The following SLC4A10 variants were observed in gnomAD, a reference collection of about 807,000 sequenced individuals.
The protein encoded by SLC4A10 is sodium-driven chloride bicarbonate exchanger.
Under a neutral mutation model 137.7 loss-of-function variants are expected in SLC4A10, and 42 were observed. The ratio of observed to expected loss-of-function variants is 0.30; its 90% CI spans 0.24 to 0.39. SLC4A10 has a LOEUF of 0.39. Ranked by LOEUF, SLC4A10 falls within the 10% of genes least tolerant of loss-of-function variation. The pLI, the probability that SLC4A10 is intolerant of heterozygous loss-of-function variation, is 1.00. For synonymous variants in SLC4A10, 474 were observed against 464.1 expected, an observed-to-expected ratio of 1.02 and a Z score of -0.27; for missense variants, 925 against 1,355.0, an observed-to-expected ratio of 0.68 and a Z score of 4.98.
intron 1 of SLC4A10, among the ~76,000 whole-genome samples, chr2:161,702,219 A>G (rs2043195077): frequency 1.3e-5 from 2 of 151,998 alleles, no homozygotes; most frequent in African/African-American, 2.4e-5. Context: ...TTATATAGCC[A>G]TAAAAAGAAT....
At chr2:161,939,445 T>C (rs192785983) in intron 15 of SLC4A10, among the ~76,000 whole-genome samples, 4 of 152,280 alleles carry the variant, frequency 2.6e-5, no homozygotes, top group Admixed American at 2.6e-4. Context: ...AATACGATAA[T>C]ATCACATCTT....
intron 1 of SLC4A10, among the ~76,000 whole-genome samples, chr2:161,650,797 G>A (rs764056996): frequency 1.4e-4 from 21 of 152,162 alleles, no homozygotes; most frequent in Non-Finnish European, 3.1e-4. Context: ...ATGAGCATGG[G>A]AGGGAGGCTG....
chr2:161,899,519 TATCA>T (rs959557279), intron 11 of SLC4A10, among the ~76,000 whole-genome samples: 2 of 152,140 alleles, frequency 1.3e-5, no homozygotes, highest in African/African-American at 4.8e-5. Flanking sequence ...TTATCTAATC[TATCA>T]ATGAACAGCA....
intron 3 of SLC4A10, among the ~76,000 whole-genome samples, chr2:161,818,414 T>A (rs2057313686): frequency 1.3e-5 from 2 of 152,204 alleles, no homozygotes; most frequent in African/African-American, 4.8e-5. Flanking sequence ...TATACAATCA[T>A]GTCATCTGCA....
intron 1 of SLC4A10, among the ~76,000 whole-genome samples, chr2:161,660,090 A>G (rs1039853003): frequency 2.0e-5 from 3 of 152,164 alleles, no homozygotes; most frequent in Admixed American, 6.5e-5. Context: ...AATTGATTAT[A>G]GTGATGGTTA....
intron 2 of SLC4A10, 121 bp downstream of exon 2, chr2:161,771,175 T>A: frequency 1.5e-6 from 1 of 683,824 alleles, no homozygotes; most frequent in Non-Finnish European, 2.6e-6. Flanking sequence ...GGTAGCTTAC[T>A]GGGGAGGGGT....
intron 15 of SLC4A10, among the ~76,000 whole-genome samples, chr2:161,910,182 A>G (rs1685494392): frequency 6.6e-6 from 1 of 152,048 alleles, no homozygotes; most frequent in Admixed American, 6.6e-5. Context: ...GATTTCCTTA[A>G]ATTCATAGTG....
At chr2:161,939,269 G>C (rs939176749) in intron 15 of SLC4A10, among the ~76,000 whole-genome samples, 1 of 151,964 alleles carries the variant, frequency 6.6e-6, no homozygotes, top group African/African-American at 2.4e-5. Context: ...TAGAGATGGG[G>C]TTTCACCATG....
chr2:161,737,803 C>T (rs2047497623), intron 1 of SLC4A10, among the ~76,000 whole-genome samples: 1 of 152,066 alleles, frequency 6.6e-6, no homozygotes, highest in South Asian at 2.1e-4. Flanking sequence ...AGGTTATTTG[C>T]TTTGGTTCTC....
At chr2:161,650,117 T>C (rs984516215) in intron 1 of SLC4A10, among the ~76,000 whole-genome samples, 4 of 152,232 alleles carry the variant, frequency 2.6e-5, no homozygotes, top group African/African-American at 9.6e-5. Flanking sequence ...TTGAACTTAG[T>C]AGTCATATCT....
At chr2:161,740,134 T>A (rs1367121976) in intron 1 of SLC4A10, among the ~76,000 whole-genome samples, 1 of 152,200 alleles carries the variant, frequency 6.6e-6, no homozygotes, top group African/African-American at 2.4e-5. Context: ...ACTGAGCTGA[T>A]TTGTTTTTAA....
At chr2:161,928,308 C>T (rs1185117448) in intron 15 of SLC4A10, among the ~76,000 whole-genome samples, 8 of 136,048 alleles carry the variant, frequency 5.9e-5, no homozygotes, top group African/African-American at 1.9e-4. Context: ...CACTCATAGG[C>T]GGGAATTGAA....
intron 4 of SLC4A10, among the ~76,000 whole-genome samples, chr2:161,845,612 T>A (rs2059442672): frequency 6.6e-6 from 1 of 152,132 alleles, no homozygotes; most frequent in Non-Finnish European, 1.5e-5. Flanking sequence ...TAATTGGATT[T>A]TTTAAAATGT....
At chr2:161,653,967 T>C (rs2037167033) in intron 1 of SLC4A10, among the ~76,000 whole-genome samples, 1 of 152,244 alleles carries the variant, frequency 6.6e-6, no homozygotes, top group Non-Finnish European at 1.5e-5. Flanking sequence ...GGAATCTCTA[T>C]ACTTTTTTCC....
intron 3 of SLC4A10, among the ~76,000 whole-genome samples, chr2:161,828,804 A>ATATATATATATG (rs758149743): frequency 8.4e-6 from 1 of 118,586 alleles, no homozygotes; most frequent in Non-Finnish European, 1.7e-5. Context: ...ATATATATAT[A>ATATATATATATG]TATATGTATA....
At chr2:161,824,729 C>T (rs1381338694) in intron 3 of SLC4A10, among the ~76,000 whole-genome samples, 1 of 151,576 alleles carries the variant, frequency 6.6e-6, no homozygotes, top group African/African-American at 2.4e-5. Flanking sequence ...CAACATGGAC[C>T]CTTCTATAAT....
At chr2:161,788,583 G>A (rs2125518292) in intron 2 of SLC4A10, among the ~76,000 whole-genome samples, 1 of 152,178 alleles carries the variant, frequency 6.6e-6, no homozygotes, top group Admixed American at 6.5e-5. Context: ...CTGTCACAGG[G>A]CTCATGATCT....
chr2:161,763,684 T>C (rs2050494615), intron 1 of SLC4A10, among the ~76,000 whole-genome samples: 1 of 152,160 alleles, frequency 6.6e-6, no homozygotes, highest in Non-Finnish European at 1.5e-5. Flanking sequence ...GCTATGCCTC[T>C]CTTCTCCCAG....
chr2:161,699,975 A>G (rs1422600159), intron 1 of SLC4A10, among the ~76,000 whole-genome samples: 5 of 152,238 alleles, frequency 3.3e-5, no homozygotes, highest in Non-Finnish European at 7.3e-5. Flanking sequence ...TGATAGGGAA[A>G]CTGAGGTCCA....
Sources: gnomAD v4.1 joint callset for allele counts (sites outside exome capture counted in the v4.1 genomes callset) on GRCh38, gnomAD v4.1.1 for gene constraint, MANE v1.5 for transcripts, NCBI Gene and HGNC (gene_info 2026-07-23, HGNC 2026-07-21) for gene names.